The following TMEM132D variants were observed in gnomAD, a reference collection of about 807,000 sequenced individuals.
TMEM132D encodes mature OL transmembrane protein.
In TMEM132D, 21 loss-of-function variants were observed where a neutral mutation model predicts 62.3. The observed-to-expected ratio is 0.34, with a 90% CI of 0.24 to 0.49. The LOEUF is 0.49. TMEM132D is among the 20% of genes least tolerant of loss of function. The pLI, the probability that TMEM132D is intolerant of heterozygous loss-of-function variation, is 0.99. For missense variants in TMEM132D, 1,346 were observed against 1,402.8 expected (o/e 0.96, Z 0.65); for synonymous variants, 621 against 575.6 (o/e 1.08, Z -1.13).
chr12:129,281,379 T>G (rs1024796074), intron 4 of TMEM132D, among the ~76,000 whole-genome samples: 5 of 151,986 alleles, frequency 3.3e-5, no homozygotes, highest in Admixed American at 2.0e-4. Flanking sequence ...TTTTTTTGTT[T>G]GTTTGTTTGT....
At chr12:129,789,687 T>C (rs1000313578) in intron 1 of TMEM132D, among the ~76,000 whole-genome samples, 1 of 152,114 alleles carries the variant, frequency 6.6e-6, no homozygotes, top group African/African-American at 2.4e-5. Context: ...AAGAATATGA[T>C]GGATTAGGTC....
chr12:129,274,072 T>C (rs1880935060), intron 4 of TMEM132D, among the ~76,000 whole-genome samples: 1 of 151,756 alleles, frequency 6.6e-6, no homozygotes, highest in Non-Finnish European at 1.5e-5. Flanking sequence ...AGTTTCCTAG[T>C]TGTAGAAAAA....
intron 4 of TMEM132D, among the ~76,000 whole-genome samples, chr12:129,227,059 C>A (rs1879498691): frequency 6.6e-6 from 1 of 152,008 alleles, no homozygotes. Context: ...TTAGGCAGTG[C>A]TACTGAAATC....
At chr12:129,299,682 T>C (rs1463954466) in intron 4 of TMEM132D, among the ~76,000 whole-genome samples, 7 of 147,134 alleles carry the variant, frequency 4.8e-5, no homozygotes, top group Non-Finnish European at 1.0e-4. Flanking sequence ...AACAATGAAA[T>C]ATAATTTTCA....
intron 1 of TMEM132D, among the ~76,000 whole-genome samples, chr12:129,840,939 C>T (rs956910439): frequency 1.3e-5 from 2 of 152,222 alleles, no homozygotes; most frequent in East Asian, 1.9e-4. Context: ...GAATGGTTAT[C>T]GTCACTGATG....
intron 3 of TMEM132D, among the ~76,000 whole-genome samples, chr12:129,402,240 C>T (rs1593366012): frequency 3.3e-5 from 5 of 152,316 alleles, no homozygotes; most frequent in Admixed American, 3.3e-4. Context: ...TGAACTTCAG[C>T]AGCTTTCCCA....
intron 2 of TMEM132D, among the ~76,000 whole-genome samples, chr12:129,537,803 G>T (rs1876444216): frequency 6.6e-6 from 1 of 152,240 alleles, no homozygotes; most frequent in Admixed American, 6.5e-5. Context: ...GCATGGGGGT[G>T]TGGCCTCCAC....
chr12:129,890,175 G>A (rs796377166), intron 1 of TMEM132D, among the ~76,000 whole-genome samples: 2 of 152,288 alleles, frequency 1.3e-5, no homozygotes, highest in African/African-American at 4.8e-5. Context: ...TGGATGTGCA[G>A]GGATCTCTCA....
rs551309795 is a variant in TMEM132D at position 129,779,508 on chromosome 12, C to T, written c.80-78810G>A. The stretch of plus-strand genomic sequence containing the variant: ...TATTGTCCCAGGCTGGTCTCAAACT[C>T]ATGGACTCAAACCACCTGCCTGCCT... On this transcript the variant is annotated intron_variant, in intron 1 of 8. Coordinates refer to ENST00000422113, the MANE Select transcript of TMEM132D (RefSeq NM_133448.3). This position sits in a 1 kb window ranked among gnomAD's most constrained non-coding sequence, Gnocchi z 4.1. Among the ~76,000 whole-genome samples, 2 of 152,324 alleles carry T rather than the reference C, an allele frequency of 1.3e-5. No homozygotes were observed. Among genetic ancestry groups the T allele is most frequent in the African/African-American group, 4.8e-5 (2 of 41,574 alleles).
At chr12:129,187,841 AT>A (rs1220464973) in intron 5 of TMEM132D, among the ~76,000 whole-genome samples, 1 of 152,258 alleles carries the variant, frequency 6.6e-6, no homozygotes, top group African/African-American at 2.4e-5. Context: ...ACGAAGTCGT[AT>A]AGTAAAGAAG....
chr12:129,829,237 G>T (rs1353391725), intron 1 of TMEM132D, among the ~76,000 whole-genome samples: 1 of 152,068 alleles, frequency 6.6e-6, no homozygotes, highest in Non-Finnish European at 1.5e-5. Flanking sequence ...CAGAATCATG[G>T]TTAGAATAAT....
chr12:129,589,392 A>G (rs1010517065), intron 2 of TMEM132D, among the ~76,000 whole-genome samples: 1 of 152,048 alleles, frequency 6.6e-6, no homozygotes, highest in Admixed American at 6.6e-5. Flanking sequence ...TTTCTTTACA[A>G]ATTACCCAGT....
chr12:129,471,702 C>T (rs773751001), intron 3 of TMEM132D, among the ~76,000 whole-genome samples: 2 of 152,178 alleles, frequency 1.3e-5, no homozygotes, highest in Non-Finnish European at 2.9e-5. Context: ...GCTTTTGTGT[C>T]AAATAGCTAA....
At chr12:129,326,027 A>C (rs1386392475) in intron 4 of TMEM132D, among the ~76,000 whole-genome samples, 1 of 152,192 alleles carries the variant, frequency 6.6e-6, no homozygotes, top group Non-Finnish European at 1.5e-5. Context: ...AGGCTACACC[A>C]TCGGGAGGCT....
chr12:129,141,143 A>G (rs925496673), intron 5 of TMEM132D, among the ~76,000 whole-genome samples: 3 of 152,242 alleles, frequency 2.0e-5, no homozygotes, highest in African/African-American at 2.4e-5. Flanking sequence ...CGAACTCAAC[A>G]TTGGCATTGC....
chr12:129,138,878 T>A (rs1286134855), intron 5 of TMEM132D, among the ~76,000 whole-genome samples: 3 of 152,228 alleles, frequency 2.0e-5, no homozygotes, highest in Non-Finnish European at 4.4e-5. Context: ...GGTTTGCCCA[T>A]GCTCTGCAGC....
chr12:129,691,768 C>A (rs941943981), intron 2 of TMEM132D, among the ~76,000 whole-genome samples: 21 of 151,944 alleles, frequency 1.4e-4, no homozygotes, highest in African/African-American at 4.6e-4. Context: ...AAATAAAAAT[C>A]AAAACAAAAA....
At chr12:129,464,497 T>G (rs1384253633) in intron 3 of TMEM132D, among the ~76,000 whole-genome samples, 1 of 152,230 alleles carries the variant, frequency 6.6e-6, no homozygotes, top group Non-Finnish European at 1.5e-5. Flanking sequence ...TTGTCAATTT[T>G]GGCTTTTGTT....
At chr12:129,393,027 CAG>C (rs1871331343) in intron 3 of TMEM132D, among the ~76,000 whole-genome samples, 1 of 152,198 alleles carries the variant, frequency 6.6e-6, no homozygotes, top group Non-Finnish European at 1.5e-5. Context: ...CTAGAACGAA[CAG>C]ACTTTTTTTT....
Sources: allele counts gnomAD v4.1 joint callset (sites outside exome capture counted in the v4.1 genomes callset), GRCh38; gene constraint gnomAD v4.1.1; non-coding constraint Gnocchi (gnomAD v3.1); transcripts MANE v1.5; gene names NCBI Gene and HGNC (gene_info 2026-07-23, HGNC 2026-07-21).